The following GIGYF1 variants were observed in gnomAD, a reference collection of about 807,000 sequenced individuals.
The protein encoded by GIGYF1 is GRB10-interacting GYF protein 1.
GIGYF1 carries 84 observed loss-of-function variants against 147.1 expected under a neutral mutation model. That is an observed-to-expected ratio of 0.57 (90% CI 0.48 to 0.68). GIGYF1 has a LOEUF of 0.68. Among genes scored for constraint, GIGYF1 ranks in the 30% least tolerant of loss-of-function variants. The pLI, the probability that GIGYF1 is intolerant of heterozygous loss-of-function variation, is 0.00. For missense variants in GIGYF1, 1,485 were observed against 1,393.7 expected, an observed-to-expected ratio of 1.07 and a Z score of -1.04; for synonymous variants, 752 against 589.5, an observed-to-expected ratio of 1.28 and a Z score of -3.99.
At position 100,687,934 on chromosome 7, in the gene GIGYF1, C is replaced by T. The variant is rs964666529; in HGVS notation, c.165+47G>A. ...ACACCACATGCTGCCAGATCCCCTC[C>T]ACAGGCAGAGGCCACCACCGCCAAC... is the stretch of plus-strand genomic sequence containing the variant. On this transcript the variant is annotated intron_variant, in intron 5 of 26. Transcript: ENST00000678049. The T allele has an allele frequency of 6.8e-6, 11 of 1,611,502 alleles. 1 individual carries two copies. Among genetic ancestry groups the T allele is most frequent in the Non-Finnish European group, 7.6e-6 (9 of 1,178,154 alleles).
intron 22 of GIGYF1, 77 bp from the exon 23 acceptor site, chr7:100,682,854 CA>C: frequency 7.1e-7 from 1 of 1,414,846 alleles, no homozygotes. Flanking sequence ...GTTTAGGTGG[CA>C]AAGGGAGACA....
Position 100,687,008 on chromosome 7 carries a change from C to T in GIGYF1, c.521G>A (p.Gly174Glu), listed in dbSNP as rs755313073. ...CGCCGCCCTCAGCAGCCTCGTACCTCCATCCCGCCTTGCTGACTTCTCAAA... is the reference window on the plus strand; with the variant it reads ...CGCCGCCCTCAGCAGCCTCGTACCTTCATCCCGCCTTGCTGACTTCTCAAA... The part of the protein sequence containing the change: ...RRFEKSARRD[G>E]ARCGFEEGGA... The change falls in exon 9 of 27, where the codon GGA becomes GAA. Residue 174 changes from glycine (G) to glutamate (E), a missense_variant and splice_region_variant. Physicochemically the swap from Gly to Glu is moderately conservative, Grantham distance 98. Transcript: ENST00000678049. 2 of 1,613,844 alleles carry T rather than the reference C, an allele frequency of 1.2e-6. No homozygotes were observed.
chr7:100,694,081 C>G (rs1806053856), intron 1 of GIGYF1, 29 bp downstream of exon 1: 1 of 145,606 alleles, frequency 6.9e-6, no homozygotes, highest in African/African-American at 2.5e-5. Flanking sequence ...GGCTGCGGGC[C>G]GGGGGCCGCG....
Position 100,683,889 on chromosome 7 carries a change from A to G in GIGYF1, c.1898T>C (p.Met633Thr), listed in dbSNP as rs1039418995. Residue 633 changes from methionine (M) to threonine (T), a missense_variant, in exon 19 of 27, where the codon ATG becomes ACG. By Grantham distance (81) the Met-to-Thr change is moderately conservative. Coordinates refer to ENST00000678049, the MANE Select transcript of GIGYF1 (RefSeq NM_001375765.1). ...ATCTGGCACCGACAAGGACCGGCTC[A>G]TCGTCGGGAGCAGGTTCTGGTCCCC... ...RGGDQNLLPTMSRSLSVPDSG... is the reference protein window; with the variant it reads ...RGGDQNLLPTTSRSLSVPDSG... The G allele has an allele frequency of 2.1e-5, 32 of 1,555,886 alleles. No individual in the cohort carries two copies. The Admixed American group carries it at 4.1e-4, about 20-fold the overall frequency.
rs1240699084 is a variant in GIGYF1 at position 100,694,124 on chromosome 7, G to A, written c.-1113C>T. 1 of 145,168 alleles carries A rather than the reference G, an allele frequency of 6.9e-6. No homozygotes were observed. Among genetic ancestry groups the A allele is most frequent in the Non-Finnish European group, 1.5e-5 (1 of 65,166 alleles). The allele number at this position is 145,168 out of a possible 1,614,324, so 9.0% of individuals were successfully genotyped here. ...TGGGCGCTTACCGCGGGCGGCGCGA[G>A]GGTCCGGTCCCGGGGCGTGGGCGGC... is the stretch of plus-strand genomic sequence containing the variant. On this transcript the variant is annotated 5_prime_UTR_variant, in exon 1 of 27. Coordinates refer to ENST00000678049, the MANE Select transcript of GIGYF1 (RefSeq NM_001375765.1).
intron 13 of GIGYF1, 21 bp from the exon 14 acceptor site, chr7:100,685,167 G>T: frequency 6.4e-7 from 1 of 1,563,208 alleles, no homozygotes; most frequent in Non-Finnish European, 8.7e-7. Context: ...TGAGATAGGA[G>T]GTGGAAAGAA....
At chr7:100,690,486 A>T (rs1554386108) in intron 1 of GIGYF1, among the ~76,000 whole-genome samples, 1 of 152,170 alleles carries the variant, frequency 6.6e-6, no homozygotes, top group Non-Finnish European at 1.5e-5. Context: ...AACATTTTTT[A>T]AAAAAGAAAA....
In GIGYF1 at chr7:100,687,341, G is replaced by A. The variant is rs1296491890; in HGVS notation, c.439C>T (p.Arg147Ter). The A allele has an allele frequency of 1.2e-6, 2 of 1,613,262 alleles. No individual in the cohort carries two copies. Among genetic ancestry groups the A allele is most frequent in the Non-Finnish European group, 1.7e-6 (2 of 1,179,942 alleles). The change falls in exon 8 of 27, where the codon CGA becomes TGA. Residue 147 changes from arginine to a stop codon, truncating the protein, a stop_gained. Coordinates refer to ENST00000678049, the MANE Select transcript of GIGYF1 (RefSeq NM_001375765.1). LOFTEE classifies it high-confidence loss of function. ...SIEEGDGAFG[R>*]SPREIQRSQS... is the part of the protein sequence containing the mutation. ...CTGCGCTGGATTTCCCGGGGGCTTC[G>A]TCCAAAGGCCCCATCGCCTTCTTCG...
At chr7:100,685,579 TC>T in intron 12 of GIGYF1, 98 bp from the exon 13 acceptor site, 1 of 1,355,560 alleles carries the variant, frequency 7.4e-7, no homozygotes, top group Non-Finnish European at 1.0e-6. Flanking sequence ...CGGGTCACAC[TC>T]CCTTAGGCCG....
intron 20 of GIGYF1, 29 bp downstream of exon 20, chr7:100,683,521 A>C: frequency 6.2e-7 from 1 of 1,613,346 alleles, no homozygotes; most frequent in Non-Finnish European, 8.5e-7. Flanking sequence ...CTTCATTCCC[A>C]GGGCCTCAGC....
At chr7:100,685,592 G>C in intron 12 of GIGYF1, 111 bp from the exon 13 acceptor site, 1 of 1,208,556 alleles carries the variant, frequency 8.3e-7, no homozygotes, top group East Asian at 2.5e-5. Flanking sequence ...CTTAGGCCGA[G>C]TCCACCACTT....
Position 100,681,390 on chromosome 7 carries a change from T to C in GIGYF1, c.*329A>G, listed in dbSNP as rs1763394153. The C allele has an allele frequency of 4.6e-6, 1 of 217,444 alleles. No individual in the cohort carries two copies. The highest frequency in any genetic ancestry group is 2.4e-5 in the African/African-American group (1 of 42,058). 13.5% of individuals were successfully genotyped at this position (217,444 alleles called of 1,614,324 possible). ...AAAAAAAAACCAAAAAACAAAAACC[T>C]CTGTGGACCTTCCATTGTCACACCC... On this transcript the variant is annotated 3_prime_UTR_variant, in exon 27 of 27. Coordinates refer to ENST00000678049, the MANE Select transcript of GIGYF1 (RefSeq NM_001375765.1).
chr7:100,685,494 G>A lies in GIGYF1; in HGVS notation c.1055-13C>T, dbSNP rs1198446979. The A allele has an allele frequency of 6.3e-6, 10 of 1,597,020 alleles. No homozygotes were observed. The highest frequency in any genetic ancestry group is 7.7e-6 in the Non-Finnish European group (9 of 1,175,930). On this transcript the variant is annotated splice_polypyrimidine_tract_variant and intron_variant, in intron 12 of 26. Transcript: ENST00000678049. ...AGCTCTTTCCCACCTAGAAGAGGGA[G>A]ATGGCCAGAGTTCAGAACCAAGGGC...
intron 8 of GIGYF1, 46 bp downstream of exon 8, chr7:100,687,252 C>G (rs749772359): frequency 7.6e-6 from 12 of 1,573,490 alleles, no homozygotes; most frequent in African/African-American, 6.7e-5. Context: ...CAGGCCTCCC[C>G]TCCCTGGCCT....
In GIGYF1 at chr7:100,690,197, G is replaced by A. The variant is rs151190121; in HGVS notation, c.-1098-642C>T. On this transcript the variant is annotated intron_variant, in intron 1 of 26. Coordinates refer to ENST00000678049, the MANE Select transcript of GIGYF1 (RefSeq NM_001375765.1). ...CAAAAGGTATCTGGAGATAACCACC[G>A]CATACCTAAGTTTTCCCCACTCCAA... is the stretch of plus-strand genomic sequence containing the variant. 7.1e-3 allele frequency among the ~76,000 whole-genome samples: 1,087 copies of A among 152,234 alleles called. 3 individuals carry two copies. Among genetic ancestry groups the A allele is most frequent in the Non-Finnish European group, 9.7e-3 (660 of 68,006 alleles).
chr7:100,691,632 G>T (rs1035365323), intron 1 of GIGYF1, among the ~76,000 whole-genome samples: 1 of 151,704 alleles, frequency 6.6e-6, no homozygotes, highest in Non-Finnish European at 1.5e-5. Flanking sequence ...CCACCTGCCC[G>T]TCTCAGCTTA....
chr7:100,691,333 C>T (rs1805807994), intron 1 of GIGYF1, among the ~76,000 whole-genome samples: 1 of 152,200 alleles, frequency 6.6e-6, no homozygotes, highest in Non-Finnish European at 1.5e-5. Context: ...GCGCCACGAG[C>T]ATGGGCACAG....
At chr7:100,691,197 C>T (rs1805799171) in intron 1 of GIGYF1, among the ~76,000 whole-genome samples, 1 of 152,238 alleles carries the variant, frequency 6.6e-6, no homozygotes, top group Non-Finnish European at 1.5e-5. Flanking sequence ...CCTCAGGGGG[C>T]TCTTGGCCAA....
intron 1 of GIGYF1, among the ~76,000 whole-genome samples, chr7:100,691,195 G>A (rs1417899016): frequency 2.6e-5 from 4 of 152,208 alleles, no homozygotes; most frequent in African/African-American, 9.6e-5. Context: ...CTCCTCAGGG[G>A]GCTCTTGGCC....
Sources: gnomAD v4.1 joint callset for allele counts (sites outside exome capture counted in the v4.1 genomes callset) on GRCh38, gnomAD v4.1.1 for gene constraint, MANE v1.5 for transcripts, NCBI Gene and HGNC (gene_info 2026-07-23, HGNC 2026-07-21) for gene names.